The following POFUT3 variants were observed in gnomAD, a reference collection of about 807,000 sequenced individuals.
The protein encoded by POFUT3 is GDP-fucose protein O-fucosyltransferase 3.
At chr8:33,416,129 A>G in the POFUT3 span, among the ~76,000 whole-genome samples, 1 of 152,262 alleles carries the variant, frequency 6.6e-6, no homozygotes, top group Non-Finnish European at 1.5e-5. Flanking sequence ...TAAGAGCAAT[A>G]TAACAAAATG....
the POFUT3 span, among the ~76,000 whole-genome samples, chr8:33,422,545 CAAAAAAAAAAAA>C: frequency 3.8e-4 from 14 of 37,138 alleles, no homozygotes; most frequent in East Asian, 3.0e-3. Context: ...AACTCTGTCT[CAAAAAAAAAAAA>C]AAAAAAAAAA....
At chr8:33,353,283 A>C in the POFUT3 span, among the ~76,000 whole-genome samples, 2 of 152,334 alleles carry the variant, frequency 1.3e-5, no homozygotes, top group East Asian at 3.9e-4. Flanking sequence ...ATGAGAGTAA[A>C]ATTAAAGCCC....
chr8:33,336,500 A>G, the POFUT3 span, among the ~76,000 whole-genome samples: 1 of 152,204 alleles, frequency 6.6e-6, no homozygotes, highest in African/African-American at 2.4e-5. Context: ...ACCAGCTCGC[A>G]CATCTTTTAA....
At chr8:33,408,473 G>T in the POFUT3 span, among the ~76,000 whole-genome samples, 1 of 151,976 alleles carries the variant, frequency 6.6e-6, no homozygotes, top group Non-Finnish European at 1.5e-5. Flanking sequence ...GGCAACTCAG[G>T]ACAGTTAGTC....
chr8:33,395,150 G>A, the POFUT3 span, among the ~76,000 whole-genome samples: 10 of 152,278 alleles, frequency 6.6e-5, no homozygotes, highest in Non-Finnish European at 1.5e-5. Flanking sequence ...GGAAATACTG[G>A]GTAGAAGAGG....
the POFUT3 span, among the ~76,000 whole-genome samples, chr8:33,354,361 A>C: frequency 6.6e-6 from 1 of 152,196 alleles, no homozygotes; most frequent in Non-Finnish European, 1.5e-5. Flanking sequence ...CAAAGGCCCA[A>C]GAACCAGAGG....
the POFUT3 span, among the ~76,000 whole-genome samples, chr8:33,397,280 T>C: frequency 5.9e-5 from 9 of 151,942 alleles, no homozygotes; most frequent in Non-Finnish European, 1.2e-4. Flanking sequence ...TAAGAAAAAG[T>C]GAGAATTAGG....
chr8:33,354,965 T>G, the POFUT3 span, among the ~76,000 whole-genome samples: 1 of 152,256 alleles, frequency 6.6e-6, no homozygotes, highest in African/African-American at 2.4e-5. Flanking sequence ...TACTTTTTTC[T>G]GAACTTTCGT....
chr8:33,414,598 CT>C, the POFUT3 span, among the ~76,000 whole-genome samples: 7 of 150,976 alleles, frequency 4.6e-5, no homozygotes, highest in Non-Finnish European at 1.0e-4. Flanking sequence ...CTTTTTCCCC[CT>C]ATTAATCTGT....
At chr8:33,446,887 C>T in the POFUT3 span, among the ~76,000 whole-genome samples, 1 of 152,174 alleles carries the variant, frequency 6.6e-6, no homozygotes, top group Non-Finnish European at 1.5e-5. Context: ...CCTTGAGAGG[C>T]CCTGCCTGAA....
the POFUT3 span, among the ~76,000 whole-genome samples, chr8:33,407,370 G>A: frequency 6.6e-6 from 1 of 152,060 alleles, no homozygotes; most frequent in Admixed American, 6.6e-5. Flanking sequence ...TAATCAAGCT[G>A]GAGTCCATCA....
chr8:33,426,003 A>G, the POFUT3 span, among the ~76,000 whole-genome samples: 1 of 152,016 alleles, frequency 6.6e-6, no homozygotes, highest in Non-Finnish European at 1.5e-5. Context: ...TCCCGAGTTC[A>G]AGCAATTCTC....
chr8:33,394,069 C>G, the POFUT3 span: 2 of 155,258 alleles, frequency 1.3e-5, no homozygotes, highest in Non-Finnish European at 2.9e-5. Flanking sequence ...CCTATAGTCC[C>G]AGATATTCAG....
At chr8:33,463,983 C>A in the POFUT3 span, among the ~76,000 whole-genome samples, 1 of 152,236 alleles carries the variant, frequency 6.6e-6, no homozygotes, top group South Asian at 2.1e-4. Context: ...GAGAAGGTCT[C>A]AAGTCTGCCT....
the POFUT3 span, among the ~76,000 whole-genome samples, chr8:33,319,132 T>C: frequency 4.6e-5 from 1 of 21,638 alleles, no homozygotes; most frequent in Non-Finnish European, 8.1e-5. Flanking sequence ...ATATTTTACA[T>C]ATATTTATAT....
At chr8:33,314,789 A>G in the POFUT3 span, among the ~76,000 whole-genome samples, 1 of 152,134 alleles carries the variant, frequency 6.6e-6, no homozygotes, top group Non-Finnish European at 1.5e-5. Context: ...ATGACCTTGG[A>G]AACATTATTT....
chr8:33,464,761 A>G, the POFUT3 span, among the ~76,000 whole-genome samples: 1 of 152,208 alleles, frequency 6.6e-6, no homozygotes, highest in African/African-American at 2.4e-5. Context: ...CTTGGGTGAC[A>G]GAGCCAGGCC....
the POFUT3 span, among the ~76,000 whole-genome samples, chr8:33,335,994 G>A: frequency 6.6e-5 from 10 of 152,002 alleles, no homozygotes; most frequent in African/African-American, 2.4e-4. Context: ...TTTAATCCAC[G>A]TATAAGTGGA....
chr8:33,330,225 C>T, the POFUT3 span, among the ~76,000 whole-genome samples: 1 of 152,126 alleles, frequency 6.6e-6, no homozygotes, highest in Admixed American at 6.6e-5. Context: ...GCGGGCAGAT[C>T]ACAAGGTCAG....
Sources: allele counts gnomAD v4.1 joint callset (sites outside exome capture counted in the v4.1 genomes callset), GRCh38; gene constraint gnomAD v4.1.1; transcripts MANE v1.5; gene names NCBI Gene and HGNC (gene_info 2026-07-23, HGNC 2026-07-21).